Variants in MUC22 observed in about 807,000 individuals in gnomAD.
MUC22 encodes the protein mucin 22.
In MUC22, 24 loss-of-function variants were observed where a neutral mutation model predicts 40.3. That is an observed-to-expected ratio of 0.60 (90% CI 0.43 to 0.84). The LOEUF is 0.84. MUC22 is among the 40% of genes least tolerant of loss of function. MUC22 has a pLI of 0.00. For synonymous variants in MUC22, 765 were observed against 844.5 expected, an observed-to-expected ratio of 0.91 and a Z score of 1.63; for missense variants, 1,926 against 2,130.7, an observed-to-expected ratio of 0.90 and a Z score of 1.89.
chr6:31,035,021 A>C (rs1766353281), exon 4 of MUC22: 1 of 1,386,940 alleles, frequency 7.2e-7, no homozygotes, highest in Non-Finnish European at 9.6e-7. Flanking sequence ...ATTGGGTATC[A>C]AAACATATTA....
exon 2 of MUC22, chr6:31,028,718 CCACCACCTCTACTGA>C: frequency 1.3e-6 from 2 of 1,532,674 alleles, no homozygotes; most frequent in Non-Finnish European, 1.7e-6. Flanking sequence ...GAGACCACCA[CCACCACCTCTACTGA>C]AGGCTCTGAG....
upstream of MUC22, among the ~76,000 whole-genome samples, chr6:31,006,644 A>C (rs1241390383): frequency 3.3e-5 from 5 of 152,108 alleles, no homozygotes; most frequent in East Asian, 5.8e-4. Context: ...TGAACCCAAA[A>C]CTGCTCTAAG....
At chr6:31,030,410 G>A (rs111996227) in intron 2 of MUC22, among the ~76,000 whole-genome samples, 17,254 of 151,844 alleles carry the variant, frequency 0.11, 1,143 homozygotes, top group Middle Eastern at 0.17. Context: ...CCAGCTACTC[G>A]GAAGGCTGAG....
exon 1 of MUC22, chr6:31,010,638 C>A (rs751035262): frequency 1.4e-6 from 1 of 699,496 alleles, no homozygotes; most frequent in Non-Finnish European, 2.6e-6. Context: ...TGTCTCTCTG[C>A]CTCTTTGACC....
chr6:31,009,750 C>T (rs145585820), upstream of MUC22, among the ~76,000 whole-genome samples: 335 of 152,268 alleles, frequency 2.2e-3, 4 homozygotes, highest in Middle Eastern at 0.01. Flanking sequence ...ATCTGAATTA[C>T]ACGGGGTAAA....
intron 1 of MUC22, 110 bp downstream of exon 1, chr6:31,010,886 G>T: frequency 2.0e-5 from 11 of 556,922 alleles, no homozygotes; most frequent in South Asian, 4.0e-5. Context: ...AAACAATGAT[G>T]ATTCATTTTT....
At position 31,030,472 on chromosome 6, in the gene MUC22, G is replaced by A. The variant is rs142472273; in HGVS notation, c.4669+372G>A. On this transcript the variant is annotated intron_variant, in intron 2 of 3. Transcript: ENST00000561890. The stretch of plus-strand genomic sequence containing the variant: ...GTGGAGCTTGCAGTGAGCAGAGATC[G>A]CGCCATTGCATTCCAGCCTGGGCGA... Among the ~76,000 whole-genome samples, 151 of 149,756 alleles carry A rather than the reference G, an allele frequency of 1.0e-3. 5 individuals are homozygous for A. The East Asian group carries it at 0.028, about 27-fold the overall frequency.
intron 1 of MUC22, among the ~76,000 whole-genome samples, chr6:31,021,971 C>G (rs996393146): frequency 1.3e-5 from 2 of 152,116 alleles, no homozygotes; most frequent in African/African-American, 4.8e-5. Context: ...TGCAGCTTCA[C>G]TCCTGAAGCC....
chr6:31,017,484 A>C (rs6905206), intron 1 of MUC22, among the ~76,000 whole-genome samples: 58,264 of 146,262 alleles, frequency 0.4, 11,385 homozygotes, highest in East Asian at 0.48. Flanking sequence ...ACACACCAGT[A>C]AGCACCCTGT....
At chr6:31,031,106 C>T (rs1766029271) in intron 2 of MUC22, among the ~76,000 whole-genome samples, 1 of 152,118 alleles carries the variant, frequency 6.6e-6, no homozygotes, top group African/African-American at 2.4e-5. Flanking sequence ...TAAGCATACT[C>T]ACTTCTATTC....
At position 31,027,251 on chromosome 6, in the gene MUC22, C is replaced by T. The variant is rs751364514; in HGVS notation, c.1820C>T (p.Thr607Ile). 33 of 1,510,732 alleles carry T rather than the reference C, an allele frequency of 2.2e-5. 3 individuals are homozygous for T. Among genetic ancestry groups the T allele is most frequent in the Non-Finnish European group, 2.8e-5 (32 of 1,129,654 alleles). 93.6% of individuals were successfully genotyped at this position (1,510,732 alleles called of 1,614,324 possible). Residue 607 changes from threonine to isoleucine, a missense_variant, in exon 2 of 4, where the codon ACA (threonine) becomes ATA (isoleucine). Thr to Ile is a moderately conservative substitution (Grantham distance 89). This residue lies in a region of MUC22 where 1,281 missense variants were observed against 1,337.8 expected (regional missense o/e 0.96). Coordinates refer to ENST00000561890, the Ensembl canonical transcript of MUC22. ...TCTACCACAGGCTCTGAGACCACCA[C>T]AGCCTCCATCATGGGCTCTGAGACC...
At chr6:31,027,668 C>G in exon 2 of MUC22, 1 of 1,531,426 alleles carries the variant, frequency 6.5e-7, no homozygotes, top group Non-Finnish European at 8.7e-7. Flanking sequence ...TTGGAGACCA[C>G]CACAGTCTTT....
At chr6:31,026,030 C>T (rs1486828871) in exon 2 of MUC22, 7 of 1,529,984 alleles carry the variant, frequency 4.6e-6, no homozygotes, top group African/African-American at 1.4e-5. Context: ...ACCACCTCCA[C>T]TGCAAGCTCT....
intron 2 of MUC22, among the ~76,000 whole-genome samples, chr6:31,031,718 C>T (rs1422956236): frequency 1.3e-5 from 2 of 150,436 alleles, no homozygotes; most frequent in African/African-American, 2.4e-5. Context: ...CTTATGTCTT[C>T]GTATTTCCAT....
intron 1 of MUC22, among the ~76,000 whole-genome samples, chr6:31,024,128 A>G (rs1291080068): frequency 2.0e-5 from 3 of 150,526 alleles, no homozygotes; most frequent in Non-Finnish European, 4.4e-5. Flanking sequence ...TTGACCTGTA[A>G]TCTTCAAAGG....
intron 1 of MUC22, among the ~76,000 whole-genome samples, chr6:31,024,305 T>G (rs2150777586): frequency 6.6e-6 from 1 of 152,322 alleles, no homozygotes; most frequent in East Asian, 1.9e-4. Context: ...AAGGATCAGG[T>G]GGCAGCAATA....
At position 31,032,068 on chromosome 6, in the gene MUC22, C is replaced by A; in HGVS notation, c.4670-128C>A. 2 of 1,008,834 alleles carry A rather than the reference C, an allele frequency of 2.0e-6. No individual in the cohort carries two copies. Among genetic ancestry groups the A allele is most frequent in the East Asian group, 2.6e-5 (1 of 38,082 alleles). 62.5% of individuals were successfully genotyped at this position (1,008,834 alleles called of 1,614,324 possible). A position where few individuals can be genotyped will look rare whatever the true frequency, so the allele number is the denominator to read the frequency against. On this transcript the variant is annotated intron_variant, in intron 2 of 3. Coordinates refer to ENST00000561890, the Ensembl canonical transcript of MUC22. The surrounding 1 kb of genome is among the most constrained non-coding windows in gnomAD (Gnocchi z 4.1). Reference sequence around the variant, plus strand: ...TCGCTTTCTACCATCTCTCCTCCCCCACCACACCTCTCCTGAGCCACCTCC... The same window carrying A: ...TCGCTTTCTACCATCTCTCCTCCCCAACCACACCTCTCCTGAGCCACCTCC...
exon 4 of MUC22, chr6:31,035,174 C>T (rs1005295296): frequency 1.9e-6 from 1 of 525,004 alleles, no homozygotes. Flanking sequence ...ACCTCAGAGA[C>T]TTTGACTGGC....
intron 1 of MUC22, among the ~76,000 whole-genome samples, chr6:31,020,614 T>C (rs1314816672): frequency 6.6e-6 from 1 of 152,122 alleles, no homozygotes; most frequent in African/African-American, 2.4e-5. Flanking sequence ...GGGCTCCCAC[T>C]TTGGCGGCAC....
Sources: allele counts gnomAD v4.1 joint callset (sites outside exome capture counted in the v4.1 genomes callset), GRCh38; gene constraint gnomAD v4.1.1; regional missense constraint gnomAD v4.1.1; non-coding constraint Gnocchi (gnomAD v3.1); transcripts MANE v1.5; gene names NCBI Gene and HGNC (gene_info 2026-07-23, HGNC 2026-07-21).